The following ERLIN1 variants were observed in gnomAD, a reference collection of about 807,000 sequenced individuals.
ERLIN1 encodes the protein erlin-1.
A neutral mutation model predicts 46.9 loss-of-function variants in ERLIN1; 24 were observed. The observed-to-expected ratio is 0.51, with a 90% confidence interval of 0.37 to 0.72. The LOEUF (loss-of-function observed/expected upper bound fraction) is 0.72. ERLIN1 is among the 30% of genes least tolerant of loss of function. The probability of loss-of-function intolerance (pLI) is 0.00; values close to 1 mark genes in which losing one functional copy is unlikely to be tolerated. For synonymous variants in ERLIN1, 158 were observed against 143.2 expected, an observed-to-expected ratio of 1.10 and a Z score of -0.74; for missense variants, 293 against 417.9, an observed-to-expected ratio of 0.70 and a Z score of 2.61.
chr10:100,152,656 C>T (rs114465891), intron 10 of ERLIN1, among the ~76,000 whole-genome samples: 1,774 of 152,274 alleles, frequency 0.012, 46 homozygotes, highest in African/African-American at 0.04. Flanking sequence ...TCTAAAGTGA[C>T]TTTCATTTCA....
At chr10:100,169,960 G>C (rs1843891472) in intron 6 of ERLIN1, among the ~76,000 whole-genome samples, 1 of 152,176 alleles carries the variant, frequency 6.6e-6, no homozygotes, top group Non-Finnish European at 1.5e-5. Flanking sequence ...CAAGGCTGCA[G>C]TGACCTATGA....
intron 5 of ERLIN1, among the ~76,000 whole-genome samples, chr10:100,175,072 A>G (rs1844213271): frequency 6.6e-6 from 1 of 152,238 alleles, no homozygotes; most frequent in Admixed American, 6.5e-5. Context: ...CAGGAGGGAA[A>G]AGTGAGCTAC....
intron 6 of ERLIN1, among the ~76,000 whole-genome samples, chr10:100,171,313 T>C (rs1589539095): frequency 6.6e-6 from 1 of 152,152 alleles, no homozygotes; most frequent in African/African-American, 2.4e-5. Context: ...AAAAAAGAGC[T>C]ACAATAACTA....
In ERLIN1 at chr10:100,152,036, A is replaced by C. The variant is rs2134091345; in HGVS notation, c.*95T>G. The stretch of plus-strand genomic sequence containing the variant: ...AGGAGAGGTGGAACAGATGAAGTGT[A>C]AGTTCTCTGTAAATCTGAAGAGTCC... On this transcript the variant is annotated 3_prime_UTR_variant, in exon 11 of 11. Coordinates refer to ENST00000421367, the MANE Select transcript of ERLIN1 (RefSeq NM_006459.4). 4 of 810,504 alleles carry C rather than the reference A, an allele frequency of 4.9e-6. No homozygotes were observed. In the South Asian group the frequency reaches 5.8e-5, roughly 12 times the overall value. The allele number at this position is 810,504 out of a possible 1,614,324, so 50.2% of individuals were successfully genotyped here. A position where few individuals can be genotyped will look rare whatever the true frequency, so the allele number is the denominator to read the frequency against.
chr10:100,172,032 C>T (rs1255884355), intron 6 of ERLIN1, among the ~76,000 whole-genome samples: 1 of 152,186 alleles, frequency 6.6e-6, no homozygotes, highest in Non-Finnish European at 1.5e-5. Flanking sequence ...ACAGGGCATA[C>T]ACTTTGATCA....
chr10:100,182,022 C>T (rs959916587), intron 2 of ERLIN1, among the ~76,000 whole-genome samples: 1 of 151,810 alleles, frequency 6.6e-6, no homozygotes, highest in African/African-American at 2.4e-5. Flanking sequence ...TAAATATATA[C>T]ACACACTATA....
chr10:100,157,082 G>T (rs187443784), intron 8 of ERLIN1, among the ~76,000 whole-genome samples: 1 of 152,232 alleles, frequency 6.6e-6, no homozygotes, highest in Admixed American at 6.5e-5. Context: ...CAATGGAGAG[G>T]TGATATGGAA....
chr10:100,169,129 T>C (rs556173609), intron 6 of ERLIN1, among the ~76,000 whole-genome samples: 1 of 152,292 alleles, frequency 6.6e-6, no homozygotes, highest in South Asian at 2.1e-4. Context: ...GTAAGTTGCA[T>C]CAAAAGAGAT....
intron 6 of ERLIN1, among the ~76,000 whole-genome samples, chr10:100,173,567 G>A (rs1324710887): frequency 6.6e-6 from 1 of 152,068 alleles, no homozygotes; most frequent in East Asian, 1.9e-4. Flanking sequence ...AAAAGCAGGG[G>A]TAAAACCTCT....
At chr10:100,185,369 C>G (rs1321735767) in intron 1 of ERLIN1, 145 bp downstream of exon 1, 2 of 630,240 alleles carry the variant, frequency 3.2e-6, no homozygotes, top group Non-Finnish European at 5.7e-6. Flanking sequence ...GGGTGCTCCG[C>G]AAAAGCCCGC....
At position 100,152,039 on chromosome 10, in the gene ERLIN1, T is replaced by C; in HGVS notation, c.*92A>G. 1.2e-6 allele frequency: 1 copy of C among 825,672 alleles called. No homozygotes were observed. Among genetic ancestry groups the C allele is most frequent in the Non-Finnish European group, 2.1e-6 (1 of 482,176 alleles). The allele number at this position is 825,672 out of a possible 1,614,324, so 51.1% of individuals were successfully genotyped here. A position where few individuals can be genotyped will look rare whatever the true frequency, so the allele number is the denominator to read the frequency against. The stretch of plus-strand genomic sequence containing the variant: ...AGAGGTGGAACAGATGAAGTGTAAG[T>C]TCTCTGTAAATCTGAAGAGTCCGTA... On this transcript the variant is annotated 3_prime_UTR_variant, in exon 11 of 11. Transcript: ENST00000421367.
intron 6 of ERLIN1, 40 bp downstream of exon 6, chr10:100,174,168 C>A: frequency 7.5e-7 from 1 of 1,340,410 alleles, no homozygotes; most frequent in Non-Finnish European, 1.0e-6. Flanking sequence ...ACTCAAAGCT[C>A]TCAAAATCCC....
At chr10:100,169,175 C>T (rs1474489641) in intron 6 of ERLIN1, among the ~76,000 whole-genome samples, 2 of 152,070 alleles carry the variant, frequency 1.3e-5, no homozygotes, top group African/African-American at 2.4e-5. Flanking sequence ...ACTCAGGCAC[C>T]CCTCTCCCTC....
chr10:100,172,826 GA>G, intron 6 of ERLIN1, among the ~76,000 whole-genome samples: 1 of 152,292 alleles, frequency 6.6e-6, no homozygotes, highest in South Asian at 2.1e-4. Flanking sequence ...ACTGGGAACA[GA>G]AAAATGGCTA....
chr10:100,176,206 CAACT>C (rs1370318391), intron 4 of ERLIN1, 136 bp from the exon 5 acceptor site: 2 of 648,824 alleles, frequency 3.1e-6, no homozygotes, highest in Non-Finnish European at 4.9e-6. Context: ...CCAAAAACCA[CAACT>C]AACAAATCTT....
chr10:100,171,760 A>G (rs894725208), intron 6 of ERLIN1, among the ~76,000 whole-genome samples: 1 of 152,218 alleles, frequency 6.6e-6, no homozygotes, highest in African/African-American at 2.4e-5. Flanking sequence ...TACAAAAATG[A>G]GCAAAACCAA....
chr10:100,183,788 A>G lies in ERLIN1; in HGVS notation c.163T>C (p.Leu55=), dbSNP rs780954470. The part of the protein sequence containing the change: ...SPSGPGYHIM[L]PFITTFRSVQ... ...GATCTGAACGTAGTAATGAAAGGCA[A>G]CATGATATGATAGCCTGGTCCACTG... Residue 55 remains leucine, a synonymous_variant, in exon 2 of 11, where the codon TTG becomes CTG. Transcript: ENST00000421367. 1 of 1,613,756 alleles carries G rather than the reference A, an allele frequency of 6.2e-7. No homozygotes were observed. The highest frequency in any genetic ancestry group is 1.1e-5 in the South Asian group (1 of 91,068).
Position 100,181,224 on chromosome 10 carries a change from T to C in ERLIN1, c.196-1977A>G, listed in dbSNP as rs566020268. On this transcript the variant is annotated intron_variant, in intron 2 of 10. Transcript: ENST00000421367. ...ATGTTAAATCTTCCATTTAACACCC[T>C]ATCTTTATGTACTTTTATATTTCTT... Among the ~76,000 whole-genome samples, 3 of 152,356 alleles carry C rather than the reference T, an allele frequency of 2.0e-5. No homozygotes were observed. In the East Asian group the frequency reaches 5.8e-4, roughly 29 times the overall value.
At chr10:100,167,238 A>T in intron 7 of ERLIN1, 110 bp downstream of exon 7, 1 of 785,044 alleles carries the variant, frequency 1.3e-6, no homozygotes, top group Non-Finnish European at 2.2e-6. Flanking sequence ...AGAAGATAAG[A>T]CACATACTCC....
Sources: gnomAD v4.1 joint callset for allele counts (sites outside exome capture counted in the v4.1 genomes callset) on GRCh38, gnomAD v4.1.1 for gene constraint, MANE v1.5 for transcripts, NCBI Gene and HGNC (gene_info 2026-07-23, HGNC 2026-07-21) for gene names.